PTPRN2: variants seen among roughly 807,000 people sequenced by gnomAD.
PTPRN2 encodes protein tyrosine phosphatase receptor type N2.
In PTPRN2, 74 loss-of-function variants were observed where a neutral mutation model predicts 118.8. The observed-to-expected ratio is 0.62, with a 90% confidence interval of 0.52 to 0.76. The LOEUF (loss-of-function observed/expected upper bound fraction) is 0.76, where lower values mean the gene tolerates loss of function less well. Among genes scored for constraint, PTPRN2 ranks in the 30% least tolerant of loss-of-function variants. The probability of loss-of-function intolerance (pLI) is 0.00; values close to 1 mark genes in which losing one functional copy is unlikely to be tolerated. For synonymous variants in PTPRN2, 641 were observed against 608.0 expected, an observed-to-expected ratio of 1.05 and a Z score of -0.80; for missense variants, 1,481 against 1,394.4, an observed-to-expected ratio of 1.06 and a Z score of -0.99.
intron 1 of PTPRN2, among the ~76,000 whole-genome samples, chr7:158,576,406 T>C (rs1828318084): frequency 6.6e-6 from 1 of 152,208 alleles, no homozygotes; most frequent in Non-Finnish European, 1.5e-5. Context: ...GGCACAAGTG[T>C]GAGCCAGAAA....
Position 158,571,459 on chromosome 7 carries a change from T to C in PTPRN2, c.112+16099A>G, listed in dbSNP as rs549955780. Among the ~76,000 whole-genome samples, 24 of 134,536 alleles carry C rather than the reference T, an allele frequency of 1.8e-4. No homozygotes were observed. In the South Asian group the frequency reaches 3.7e-3, roughly 21 times the overall value. 88.3% of individuals were successfully genotyped at this position (134,536 alleles called of 152,430 possible). On this transcript the variant is annotated intron_variant, in intron 1 of 22. Transcript: ENST00000389418. ...CACCACTGCACTCCAGCCTGGGTAA[T>C]AGAGTGAGACTCCAACTCAAAAAAA... is the stretch of plus-strand genomic sequence containing the variant.
chr7:158,146,448 T>G (rs1199309845), intron 6 of PTPRN2, among the ~76,000 whole-genome samples: 1 of 152,016 alleles, frequency 6.6e-6, no homozygotes, highest in Admixed American at 6.6e-5. Flanking sequence ...TAGGCTGGGC[T>G]TGGTGGCTCA....
intron 22 of PTPRN2, among the ~76,000 whole-genome samples, chr7:157,545,475 C>CTGTGGGTGTGTGTGCAAT (rs1798267078): frequency 7.1e-6 from 1 of 140,798 alleles, no homozygotes. Flanking sequence ...TCCCTGGCTG[C>CTGTGGGTGTGTGTGCAAT]GTGTGGGTGT....
chr7:157,732,488 T>C (rs1168134917), intron 12 of PTPRN2, among the ~76,000 whole-genome samples: 5 of 24,340 alleles, frequency 2.1e-4, no homozygotes, highest in Middle Eastern at 0.025. Flanking sequence ...TTCCGTCCCA[T>C]GCGCCCAGCA....
intron 6 of PTPRN2, among the ~76,000 whole-genome samples, chr7:158,145,049 C>T (rs1819780361): frequency 6.8e-6 from 1 of 147,700 alleles, no homozygotes; most frequent in Admixed American, 6.7e-5. Flanking sequence ...CACGGCTCGG[C>T]AAGGTTTCCC....
chr7:158,032,980 T>C (rs1268745167), intron 11 of PTPRN2, among the ~76,000 whole-genome samples: 1 of 146,770 alleles, frequency 6.8e-6, no homozygotes, highest in Non-Finnish European at 1.5e-5. Context: ...TTTCTTCAGA[T>C]GTGCTTACCC....
chr7:158,150,685 A>G (rs1054202894), intron 6 of PTPRN2, among the ~76,000 whole-genome samples: 9 of 151,914 alleles, frequency 5.9e-5, no homozygotes, highest in African/African-American at 1.9e-4. Context: ...CTGAGGTGAG[A>G]TCTGTCATGC....
chr7:157,814,103 G>A (rs796630042), intron 12 of PTPRN2, among the ~76,000 whole-genome samples: 13 of 152,354 alleles, frequency 8.5e-5, no homozygotes, highest in African/African-American at 1.9e-4. Flanking sequence ...CCTGGTGCAC[G>A]GAGCCCCTGG....
chr7:157,912,767 T>G (rs1439616586), intron 11 of PTPRN2, among the ~76,000 whole-genome samples: 1 of 152,212 alleles, frequency 6.6e-6, no homozygotes, highest in Admixed American at 6.5e-5. Context: ...TCCTTCCCAC[T>G]GATCTGTAAT....
intron 2 of PTPRN2, among the ~76,000 whole-genome samples, chr7:158,372,908 G>A (rs917564334): frequency 3.3e-5 from 5 of 152,194 alleles, no homozygotes; most frequent in African/African-American, 4.8e-5. Flanking sequence ...ACATAGGGCT[G>A]CTAAGACTCC....
intron 2 of PTPRN2, among the ~76,000 whole-genome samples, chr7:158,459,918 G>A (rs1818853822): frequency 1.0e-5 from 1 of 98,456 alleles, no homozygotes; most frequent in South Asian, 3.2e-4. Context: ...GCTACAGGAT[G>A]GGACTCTATC....
At chr7:158,053,948 T>TGCAGAGACCCCAGAGAC in intron 11 of PTPRN2, among the ~76,000 whole-genome samples, 1 of 141,700 alleles carries the variant, frequency 7.1e-6, no homozygotes, top group African/African-American at 2.7e-5. Context: ...ACTCCAGAGA[T>TGCAGAGACCCCAGAGAC]GCAGAGACCC....
At chr7:158,483,579 A>T (rs1820791204) in intron 2 of PTPRN2, among the ~76,000 whole-genome samples, 1 of 152,300 alleles carries the variant, frequency 6.6e-6, no homozygotes, top group East Asian at 1.9e-4. Context: ...TCTGAGAGGG[A>T]CAAGCTTATT....
intron 12 of PTPRN2, among the ~76,000 whole-genome samples, chr7:157,705,262 T>A (rs1463760487): frequency 6.6e-6 from 1 of 152,188 alleles, no homozygotes; most frequent in Non-Finnish European, 1.5e-5. Flanking sequence ...GCCGAGATTG[T>A]ACCACTGCAC....
At chr7:158,370,611 G>C (rs898041702) in intron 2 of PTPRN2, among the ~76,000 whole-genome samples, 8 of 151,674 alleles carry the variant, frequency 5.3e-5, no homozygotes, top group African/African-American at 1.9e-4. Context: ...AATTAGCTGG[G>C]CGTGGTGGTG....
rs115321473 is a variant in PTPRN2 at position 158,526,173 on chromosome 7, G to T, written c.113-36388C>A. ...GGGGAGCCACATCAGGCAGACACAC[G>T]GCTCCTGGTGTTGGCAGGGTGCCGG... On this transcript the variant is annotated intron_variant, in intron 1 of 22. Transcript: ENST00000389418. The surrounding 1 kb of genome is among the most constrained non-coding windows in gnomAD (Gnocchi z 5.2). Among the ~76,000 whole-genome samples, 52 of 152,280 alleles carry T rather than the reference G, an allele frequency of 3.4e-4. No individual in the cohort carries two copies. Among genetic ancestry groups the T allele is most frequent in the African/African-American group, 1.3e-3 (52 of 41,566 alleles).
rs533561622 is a variant in PTPRN2 at position 157,609,520 on chromosome 7, T to C, written c.2345-5445A>G. 6.6e-6 allele frequency among the ~76,000 whole-genome samples: 1 copy of C among 152,334 alleles called. No homozygotes were observed. Among genetic ancestry groups the C allele is most frequent in the South Asian group, 2.1e-4 (1 of 4,828 alleles). ...GGACCACGGACAGAACAGGGACTAC[T>C]TTCCCGTTTTAGGCTGAAGAAACTA... On this transcript the variant is annotated intron_variant, in intron 15 of 22. Transcript: ENST00000389418. The surrounding 1 kb of genome is among the most constrained non-coding windows in gnomAD (Gnocchi z 4.9).
chr7:158,056,314 G>C (rs987692655), intron 11 of PTPRN2, among the ~76,000 whole-genome samples: 5 of 152,252 alleles, frequency 3.3e-5, no homozygotes, highest in Admixed American at 6.5e-5. Context: ...CATCCACACA[G>C]AGGCCGGGAG....
intron 12 of PTPRN2, among the ~76,000 whole-genome samples, chr7:157,736,193 A>G (rs974801290): frequency 6.6e-6 from 1 of 152,150 alleles, no homozygotes; most frequent in African/African-American, 2.4e-5. Context: ...CCACCATTCA[A>G]AGGAGGCTGC....
Sources: gnomAD v4.1 joint callset for allele counts (sites outside exome capture counted in the v4.1 genomes callset) on GRCh38, gnomAD v4.1.1 for gene constraint, Gnocchi (gnomAD v3.1) non-coding constraint, MANE v1.5 for transcripts, NCBI Gene and HGNC (gene_info 2026-07-23, HGNC 2026-07-21) for gene names.